The following NFATC3 variants were observed in gnomAD, a reference collection of about 807,000 sequenced individuals.
NFATC3 encodes the protein nuclear factor of activated T cells 3, also known as nuclear factor of activated T-cells, cytoplasmic 3.
In NFATC3, 46 loss-of-function variants were observed where a neutral mutation model predicts 98.6. The observed-to-expected ratio is 0.47, with a 90% CI of 0.37 to 0.60. The LOEUF (loss-of-function observed/expected upper bound fraction) is 0.60, where lower values mean the gene tolerates loss of function less well. NFATC3 is among the 20% of genes least tolerant of loss of function. NFATC3 has a pLI of 0.00. For synonymous variants in NFATC3, 512 were observed against 472.2 expected (o/e 1.08, Z -1.09); for missense variants, 1,256 against 1,295.5 (o/e 0.97, Z 0.47).
chr16:68,221,272 G>A (rs1231793902), intron 9 of NFATC3: 1 of 1,614,082 alleles, frequency 6.2e-7, no homozygotes, highest in Non-Finnish European at 8.5e-7. Flanking sequence ...GAAGATATCT[G>A]AGGAATCTAG....
chr16:68,170,530 T>A (rs1386376285), intron 5 of NFATC3, among the ~76,000 whole-genome samples: 1 of 149,930 alleles, frequency 6.7e-6, no homozygotes, highest in Non-Finnish European at 1.5e-5. Flanking sequence ...TCTCCCTGTG[T>A]GGTCCAGGCT....
intron 9 of NFATC3, among the ~76,000 whole-genome samples, chr16:68,213,989 T>C (rs2041528522): frequency 6.6e-6 from 1 of 152,226 alleles, no homozygotes; most frequent in South Asian, 2.1e-4. Flanking sequence ...GATGTAGCCT[T>C]AGCCAAGTAT....
chr16:68,151,615 G>A (rs1328124298), intron 3 of NFATC3, among the ~76,000 whole-genome samples: 1 of 152,156 alleles, frequency 6.6e-6, no homozygotes. Flanking sequence ...GTTATCCCAT[G>A]TATTGAGATA....
intron 4 of NFATC3, among the ~76,000 whole-genome samples, chr16:68,162,890 C>G (rs149115604): frequency 6.6e-6 from 1 of 151,884 alleles, no homozygotes; most frequent in Non-Finnish European, 1.5e-5. Context: ...AGGACCCTGC[C>G]GCCTTCCGCA....
chr16:68,127,770 T>C (rs73612695), intron 3 of NFATC3, among the ~76,000 whole-genome samples: 1,986 of 151,878 alleles, frequency 0.013, 43 homozygotes, highest in African/African-American at 0.045. Flanking sequence ...GATGAAGTTA[T>C]TGTTTCAGAT....
At chr16:68,116,774 CTG>C (rs1011895758) in intron 1 of NFATC3, among the ~76,000 whole-genome samples, 7 of 150,848 alleles carry the variant, frequency 4.6e-5, no homozygotes, top group African/African-American at 1.7e-4. Flanking sequence ...TTTGAATAAA[CTG>C]TAAAATCTTC....
At chr16:68,139,954 T>G (rs2037658673) in intron 3 of NFATC3, among the ~76,000 whole-genome samples, 1 of 152,206 alleles carries the variant, frequency 6.6e-6, no homozygotes, top group African/African-American at 2.4e-5. Context: ...GTACTTATTT[T>G]TTATTTCCAC....
intron 3 of NFATC3, among the ~76,000 whole-genome samples, chr16:68,131,759 A>G (rs2151519753): frequency 6.6e-6 from 1 of 151,650 alleles, no homozygotes; most frequent in Admixed American, 6.6e-5. Flanking sequence ...AAGTGCTGGG[A>G]TTACAGGTCT....
Position 68,123,107 on chromosome 16 carries a change from C to T in NFATC3, c.1224C>T (p.His408=). The T allele has an allele frequency of 6.2e-7, 1 of 1,600,386 alleles. No homozygotes were observed. Among genetic ancestry groups the T allele is most frequent in the Middle Eastern group, 1.7e-4 (1 of 6,040 alleles). Residue 408 remains histidine (H), a synonymous_variant, in exon 2 of 10, where the codon CAC becomes CAT. Transcript: ENST00000346183. ...CCTGGAGCAAACCAAAGCCTGGCCA[C>T]ACCCCTATATTTCGGTGAGTTGATG... ...PFTWSKPKPG[H]TPIFRTSSLP...
chr16:68,092,617 A>G (rs896730675), intron 1 of NFATC3, among the ~76,000 whole-genome samples: 1 of 130,124 alleles, frequency 7.7e-6, no homozygotes. Context: ...AAATTAGTAC[A>G]TCGAAGCTGG....
At chr16:68,222,343 AAG>A (rs1284026476) in intron 9 of NFATC3, among the ~76,000 whole-genome samples, 6 of 151,092 alleles carry the variant, frequency 4.0e-5, no homozygotes, top group South Asian at 4.2e-4. Context: ...AAAGAAAAAA[AAG>A]AGAGAAAACA....
chr16:68,176,840 T>C (rs1305787975), intron 6 of NFATC3, among the ~76,000 whole-genome samples: 1 of 152,126 alleles, frequency 6.6e-6, no homozygotes, highest in Non-Finnish European at 1.5e-5. Flanking sequence ...ATTAACAGTA[T>C]CTGTTGAGTA....
In NFATC3 at chr16:68,226,455, G is replaced by A; in HGVS notation, c.3212G>A (p.Arg1071Lys). Residue 1071 changes from arginine to lysine, a missense_variant, in exon 10 of 10, where the codon AGA becomes AAA. By Grantham distance (26) the Arg-to-Lys change is conservative. Coordinates refer to ENST00000346183, the MANE Select transcript of NFATC3 (RefSeq NM_173165.3). ...LPSPESLDLGRSDGL is the reference protein window; with the variant it reads ...LPSPESLDLGKSDGL The stretch of plus-strand genomic sequence containing the variant: ...AGTCCTGAGTCCCTGGATTTAGGAA[G>A]ATCTGATGGGCTCTAACAGTGCTTA... 6.4e-7 allele frequency: 1 copy of A among 1,550,518 alleles called. No individual in the cohort carries two copies. Among genetic ancestry groups the A allele is most frequent in the Non-Finnish European group, 8.7e-7 (1 of 1,155,120 alleles).
chr16:68,133,026 G>T (rs2037196951), intron 3 of NFATC3, among the ~76,000 whole-genome samples: 1 of 152,204 alleles, frequency 6.6e-6, no homozygotes, highest in Admixed American at 6.5e-5. Context: ...AGCACTTTGG[G>T]AGGCTGAGGC....
intron 1 of NFATC3, among the ~76,000 whole-genome samples, chr16:68,088,280 A>G (rs1183699255): frequency 6.7e-6 from 1 of 149,308 alleles, no homozygotes; most frequent in African/African-American, 2.5e-5. Flanking sequence ...TTTCAGTTAT[A>G]TTATCAGTGC....
At chr16:68,127,649 C>T (rs1489661953) in intron 3 of NFATC3, among the ~76,000 whole-genome samples, 1 of 149,048 alleles carries the variant, frequency 6.7e-6, no homozygotes, top group Non-Finnish European at 1.5e-5. Flanking sequence ...GATCATGCCA[C>T]TGCAGTCCAG....
intron 3 of NFATC3, among the ~76,000 whole-genome samples, chr16:68,139,037 T>C (rs2037604045): frequency 6.6e-6 from 1 of 152,218 alleles, no homozygotes; most frequent in Non-Finnish European, 1.5e-5. Context: ...TAGACAGTAT[T>C]GTAGGTGCTA....
intron 8 of NFATC3, among the ~76,000 whole-genome samples, chr16:68,188,424 C>T (rs1311150465): frequency 3.3e-5 from 5 of 152,190 alleles, no homozygotes; most frequent in South Asian, 4.1e-4. Context: ...GCAAGGCTCC[C>T]GCCCTGCCAA....
chr16:68,174,601 A>T, intron 6 of NFATC3, 87 bp downstream of exon 6: 1 of 1,171,968 alleles, frequency 8.5e-7, no homozygotes, highest in Non-Finnish European at 1.1e-6. Context: ...AAAAATTACA[A>T]AGTAGTTTTC....
Sources: gnomAD v4.1 joint callset for allele counts (sites outside exome capture counted in the v4.1 genomes callset) on GRCh38, gnomAD v4.1.1 for gene constraint, MANE v1.5 for transcripts, NCBI Gene and HGNC (gene_info 2026-07-23, HGNC 2026-07-21) for gene names.